The following HEATR3 variants were observed in gnomAD, a reference collection of about 807,000 sequenced individuals.
HEATR3 encodes the protein HEAT repeat-containing protein 3.
HEATR3 carries 56 observed loss-of-function variants against 72.8 expected under a neutral mutation model. The observed-to-expected ratio is 0.77, with a 90% CI of 0.62 to 0.96. The LOEUF (loss-of-function observed/expected upper bound fraction) is 0.96. HEATR3 is among the 40% of genes least tolerant of loss of function. The pLI is 0.00. For synonymous variants in HEATR3, 331 were observed against 318.1 expected (o/e 1.04, Z -0.43); for missense variants, 747 against 831.4 (o/e 0.90, Z 1.25).
intron 6 of HEATR3, 74 bp downstream of exon 6, chr16:50,075,785 GTCAT>G (rs1208694723): frequency 3.8e-6 from 5 of 1,324,564 alleles, no homozygotes; most frequent in Non-Finnish European, 5.3e-6. Flanking sequence ...GCAAAATTTA[GTCAT>G]TCATTTCAAC....
At chr16:50,101,052 C>T (rs2037353311) in intron 13 of HEATR3, among the ~76,000 whole-genome samples, 3 of 151,564 alleles carry the variant, frequency 2.0e-5, no homozygotes, top group Admixed American at 1.3e-4. Context: ...AAGAACTTTA[C>T]AATGATGACT....
chr16:50,084,516 C>T (rs972801280), intron 9 of HEATR3, 53 bp from the exon 10 acceptor site: 14 of 1,274,832 alleles, frequency 1.1e-5, no homozygotes, highest in East Asian at 4.6e-5. Context: ...GTAAGGGAAT[C>T]GTGTTAAATG....
At chr16:50,066,644 A>G (rs1314343931) in intron 2 of HEATR3, 105 bp downstream of exon 2, 3 of 1,044,744 alleles carry the variant, frequency 2.9e-6, no homozygotes, top group Non-Finnish European at 3.7e-6. Flanking sequence ...GCCATCAGGC[A>G]CTGGCCCGGT....
intron 5 of HEATR3, 26 bp from the exon 6 acceptor site, chr16:50,075,545 C>A: frequency 6.3e-7 from 1 of 1,596,266 alleles, no homozygotes; most frequent in Non-Finnish European, 8.6e-7. Flanking sequence ...TCATTTGTTT[C>A]TAAATACTTA....
Position 50,066,511 on chromosome 16 carries a change from G to A in HEATR3, c.283G>A (p.Val95Ile). 7.6e-7 allele frequency: 1 copy of A among 1,314,988 alleles called. No homozygotes were observed. Among genetic ancestry groups the A allele is most frequent in the Non-Finnish European group, 9.6e-7 (1 of 1,037,080 alleles). 81.5% of individuals were successfully genotyped at this position (1,314,988 alleles called of 1,614,324 possible). Residue 95 changes from valine (V) to isoleucine (I), a missense_variant, in exon 2 of 15, where the codon GTC (valine) becomes ATC (isoleucine). By Grantham distance (29) the Val-to-Ile change is conservative. This residue lies in a region of HEATR3 where 586 missense variants were observed against 708.8 expected (regional missense o/e 0.83). Coordinates refer to ENST00000299192, the MANE Select transcript of HEATR3 (RefSeq NM_182922.4). The part of the protein sequence containing the change: ...GPLLLDPSLA[V>I]RETAAGALRN... ...GCTGCTGCTAGACCCCAGCCTGGCC[G>A]TCAGGGAGACTGCAGCCGGCGCGCT...
chr16:50,068,896 T>C, intron 3 of HEATR3, 29 bp downstream of exon 3: 1 of 1,547,136 alleles, frequency 6.5e-7, no homozygotes, highest in Non-Finnish European at 8.9e-7. Context: ...ATCTTGATGG[T>C]AGCTTTTGGG....
intron 6 of HEATR3, among the ~76,000 whole-genome samples, 186 bp from the exon 7 acceptor site, chr16:50,078,555 A>G (rs1306966789): frequency 6.6e-6 from 1 of 152,192 alleles, no homozygotes; most frequent in Non-Finnish European, 1.5e-5. Context: ...ATGATTGTGC[A>G]GGGTTATAAC....
intron 6 of HEATR3, 116 bp from the exon 7 acceptor site, chr16:50,078,625 T>C (rs762556948): frequency 2.1e-6 from 2 of 963,566 alleles, no homozygotes; most frequent in Non-Finnish European, 3.0e-6. Context: ...ACAAAGGCAG[T>C]AGGGCTGAGA....
intron 7 of HEATR3, 53 bp from the exon 8 acceptor site, chr16:50,083,884 A>C: frequency 6.6e-7 from 1 of 1,517,788 alleles, no homozygotes; most frequent in Non-Finnish European, 8.9e-7. Flanking sequence ...TTCCCCAAAA[A>C]CATTTTCCCA....
chr16:50,070,717 C>T (rs1179622293), intron 4 of HEATR3, among the ~76,000 whole-genome samples: 4 of 151,904 alleles, frequency 2.6e-5, no homozygotes, highest in Non-Finnish European at 4.4e-5. Context: ...AAAAAAAAGA[C>T]TTGGTAAGAG....
intron 11 of HEATR3, among the ~76,000 whole-genome samples, chr16:50,092,526 T>C (rs1251338174): frequency 7.1e-6 from 1 of 140,560 alleles, no homozygotes; most frequent in Non-Finnish European, 1.5e-5. Flanking sequence ...AAGCTCCGCC[T>C]CCCGGGTTCA....
intron 10 of HEATR3, among the ~76,000 whole-genome samples, 177 bp from the exon 11 acceptor site, chr16:50,086,038 A>G (rs534948697): frequency 3.9e-5 from 6 of 152,330 alleles, no homozygotes; most frequent in African/African-American, 1.4e-4. Context: ...AAAAATGATG[A>G]TAAATTTTAG....
At position 50,106,941 on chromosome 16, in the gene HEATR3, A is replaced by G. The variant is rs2037498653; in HGVS notation, c.*1880A>G. 1.3e-5 allele frequency among the ~76,000 whole-genome samples: 2 copies of G among 152,182 alleles called. No individual in the cohort carries two copies. Among genetic ancestry groups the G allele is most frequent in the South Asian group, 2.1e-4 (1 of 4,832 alleles). ...ATATGGTGGGAAAACAGAAATGTAT[A>G]CCATATACAACACCTCGCTTTATTA... On this transcript the variant is annotated 3_prime_UTR_variant, in exon 15 of 15. Transcript: ENST00000299192.
chr16:50,085,872 TAAA>T (rs918980307), intron 10 of HEATR3, among the ~76,000 whole-genome samples: 17 of 151,960 alleles, frequency 1.1e-4, no homozygotes, highest in African/African-American at 4.1e-4. Flanking sequence ...CTACAAAAAA[TAAA>T]AAACTTAGCC....
At chr16:50,073,035 C>T (rs983678376) in intron 5 of HEATR3, 5 of 262,180 alleles carry the variant, frequency 1.9e-5, no homozygotes, top group African/African-American at 4.6e-5. Context: ...AACAGTAACG[C>T]ACAACTACCA....
At chr16:50,071,549 C>G (rs984685847) in intron 4 of HEATR3, among the ~76,000 whole-genome samples, 1 of 152,142 alleles carries the variant, frequency 6.6e-6, no homozygotes, top group East Asian at 1.9e-4. Context: ...TTCTGAATAC[C>G]TATGAGCCCT....
At chr16:50,069,585 G>C (rs2036567707) in intron 3 of HEATR3, among the ~76,000 whole-genome samples, 1 of 152,156 alleles carries the variant, frequency 6.6e-6, no homozygotes, top group African/African-American at 2.4e-5. Flanking sequence ...GGCCAGGGAT[G>C]CTGCTAAACA....
chr16:50,083,879 CA>C, intron 7 of HEATR3, 57 bp from the exon 8 acceptor site: 1 of 1,504,008 alleles, frequency 6.6e-7, no homozygotes, highest in Non-Finnish European at 9.0e-7. Context: ...GGAAATTCCC[CA>C]AAAACATTTT....
At chr16:50,100,062 G>C (rs529653672) in intron 12 of HEATR3, among the ~76,000 whole-genome samples, 168 bp from the exon 13 acceptor site, 6 of 149,002 alleles carry the variant, frequency 4.0e-5, no homozygotes, top group South Asian at 4.4e-4. Context: ...TACCAGCTCT[G>C]TCTGGGAGAA....
Sources: allele counts gnomAD v4.1 joint callset (sites outside exome capture counted in the v4.1 genomes callset), GRCh38; gene constraint gnomAD v4.1.1; regional missense constraint gnomAD v4.1.1; transcripts MANE v1.5; gene names NCBI Gene and HGNC (gene_info 2026-07-23, HGNC 2026-07-21).